Variants in PDE4A observed in about 807,000 individuals in gnomAD.
PDE4A encodes the protein 3',5'-cyclic-AMP phosphodiesterase 4A.
A neutral mutation model predicts 73.9 loss-of-function variants in PDE4A; 21 were observed. That is an observed-to-expected ratio of 0.28 (90% confidence interval 0.20 to 0.41). The LOEUF (loss-of-function observed/expected upper bound fraction) is 0.41, where lower values mean the gene tolerates loss of function less well. Ranked by LOEUF, PDE4A falls within the 10% of genes least tolerant of loss-of-function variation. The pLI, the probability that PDE4A is intolerant of heterozygous loss-of-function variation, is 1.00. For synonymous variants in PDE4A, 463 were observed against 505.4 expected, an observed-to-expected ratio of 0.92 and a Z score of 1.13; for missense variants, 958 against 1,211.4, an observed-to-expected ratio of 0.79 and a Z score of 3.10.
At chr19:10,462,497 T>G (rs1298284851) in intron 13 of PDE4A, among the ~76,000 whole-genome samples, 2 of 151,964 alleles carry the variant, frequency 1.3e-5, no homozygotes, top group Non-Finnish European at 2.9e-5. Context: ...ACTTTGTATG[T>G]TTAAAGGAGA....
intron 6 of PDE4A, among the ~76,000 whole-genome samples, chr19:10,451,634 T>G (rs2145546960): frequency 6.6e-6 from 1 of 151,472 alleles, no homozygotes; most frequent in Non-Finnish European, 1.5e-5. Flanking sequence ...CAGGGGAGAG[T>G]TGGACCAGAT....
intron 1 of PDE4A, chr19:10,431,074 G>A (rs1599407617): frequency 6.4e-7 from 1 of 1,556,386 alleles, no homozygotes. Flanking sequence ...CGCCAGGCTT[G>A]GGCTGGGGCT....
At chr19:10,436,496 A>G (rs528727473) in intron 1 of PDE4A, among the ~76,000 whole-genome samples, 1 of 152,130 alleles carries the variant, frequency 6.6e-6, no homozygotes, top group Admixed American at 6.6e-5. Flanking sequence ...CGGAGGTTGC[A>G]GTGAGCCGAG....
chr19:10,432,421 G>C, intron 1 of PDE4A: 1 of 1,410,224 alleles, frequency 7.1e-7, no homozygotes, highest in Non-Finnish European at 9.2e-7. Flanking sequence ...CCCCGACGAC[G>C]GCGCTTGGCT....
At position 10,463,979 on chromosome 19, in the gene PDE4A, C is replaced by T. The variant is rs1447088364; in HGVS notation, c.1926+4C>T. On this transcript the variant is annotated splice_donor_region_variant and intron_variant, in intron 14 of 14. Transcript: ENST00000380702. Reference sequence around the variant, plus strand: ...TGCCTCCGTGGAGAAGTCTCAGGTACAGGCTCGGGGCATTGATGGACGGGC... The same window carrying T: ...TGCCTCCGTGGAGAAGTCTCAGGTATAGGCTCGGGGCATTGATGGACGGGC... The T allele has an allele frequency of 1.2e-6, 2 of 1,613,926 alleles. No homozygotes were observed. The highest frequency in any genetic ancestry group is 1.3e-5 in the African/African-American group (1 of 74,922).
Position 10,453,099 on chromosome 19 carries a change from G to A in PDE4A, c.784-1730G>A. On this transcript the variant is annotated intron_variant, in intron 6 of 14. Transcript: ENST00000380702. The surrounding 1 kb of genome is among the most constrained non-coding windows in gnomAD (Gnocchi z 4.6). ...AACCAGGGCTGCTGCTGGGAGCGCG[G>A]AGGGGAAGGGAGCCCCCAGCCCTGC... is the stretch of plus-strand genomic sequence containing the variant. 7.4e-7 allele frequency: 1 copy of A among 1,349,120 alleles called. No individual in the cohort carries two copies. The highest frequency in any genetic ancestry group is 9.5e-7 in the Non-Finnish European group (1 of 1,052,284). 83.6% of individuals were successfully genotyped at this position (1,349,120 alleles called of 1,614,324 possible). A position where few individuals can be genotyped will look rare whatever the true frequency, so the allele number is the denominator to read the frequency against.
intron 13 of PDE4A, 99 bp from the exon 14 acceptor site, chr19:10,463,694 C>T: frequency 6.4e-7 from 1 of 1,559,822 alleles, no homozygotes; most frequent in East Asian, 2.3e-5. Flanking sequence ...AGCCACAGTG[C>T]CTGGCCCCCA....
intron 1 of PDE4A, among the ~76,000 whole-genome samples, chr19:10,438,260 G>A (rs921138411): frequency 8.6e-5 from 13 of 151,620 alleles, no homozygotes; most frequent in African/African-American, 2.4e-4. Context: ...TTACAGGCAC[G>A]CACCACCACA....
chr19:10,425,478 A>T (rs2042705897), intron 1 of PDE4A, among the ~76,000 whole-genome samples: 1 of 152,214 alleles, frequency 6.6e-6, no homozygotes, highest in South Asian at 2.1e-4. Context: ...GTACTTCCTC[A>T]AATGACATCA....
intron 6 of PDE4A, among the ~76,000 whole-genome samples, chr19:10,454,353 G>A (rs1299939347): frequency 6.6e-6 from 1 of 152,238 alleles, no homozygotes; most frequent in Non-Finnish European, 1.5e-5. Context: ...GTCCATGTCT[G>A]GGAACACTTG....
At chr19:10,440,674 C>A (rs2042925336) in intron 1 of PDE4A, among the ~76,000 whole-genome samples, 1 of 152,230 alleles carries the variant, frequency 6.6e-6, no homozygotes, top group Admixed American at 6.5e-5. Context: ...TCTCAGCTCA[C>A]TGCAACCTCC....
chr19:10,445,772 A>C (rs920528576), intron 1 of PDE4A, among the ~76,000 whole-genome samples: 2 of 126,682 alleles, frequency 1.6e-5, no homozygotes, highest in African/African-American at 8.2e-5. Context: ...CCATACCTCA[A>C]AAAAAAAAAA....
chr19:10,463,768 T>TC (rs2043316957), intron 13 of PDE4A, 25 bp from the exon 14 acceptor site: 12 of 1,611,984 alleles, frequency 7.4e-6, no homozygotes, highest in African/African-American at 1.3e-5. Flanking sequence ...CTCTGAAGTT[T>TC]CCCCTGTGCC....
chr19:10,445,444 G>A (rs1568373693), intron 1 of PDE4A, among the ~76,000 whole-genome samples: 2 of 152,084 alleles, frequency 1.3e-5, no homozygotes, highest in Non-Finnish European at 2.9e-5. Flanking sequence ...TGTGTCTCCC[G>A]TCTCTTTTAG....
intron 1 of PDE4A, 138 bp downstream of exon 1, chr19:10,421,222 G>A: frequency 7.5e-7 from 1 of 1,336,584 alleles, no homozygotes; most frequent in South Asian, 2.0e-5. Context: ...TTCGGCTGCG[G>A]GGGCGTCTGG....
At chr19:10,418,986 G>A (rs1599391828), upstream of PDE4A, 5 of 985,100 alleles carry the variant, frequency 5.1e-6, no homozygotes, top group Non-Finnish European at 4.8e-6. Context: ...GTTTTTGCTC[G>A]GCGTTCGCCC....
In PDE4A at chr19:10,421,050, G is replaced by T. The variant is rs759718061; in HGVS notation, c.286G>T (p.Gly96Cys). The part of the protein sequence containing the change: ...WPSSFHGTGT[G>C]SGGAGGGSSR... ...CTCGTCCTTCCATGGCACTGGCACC[G>T]GCAGCGGCGGCGCGGGCGGAGGCAG... Residue 96 changes from glycine to cysteine, a missense_variant, in exon 1 of 15, where the codon GGC becomes TGC. Coordinates refer to ENST00000380702, the MANE Select transcript of PDE4A (RefSeq NM_001111307.2). 2.7e-5 allele frequency: 38 copies of T among 1,389,064 alleles called. No individual in the cohort carries two copies. Among genetic ancestry groups the T allele is most frequent in the Non-Finnish European group, 3.4e-5 (37 of 1,081,482 alleles). The allele number at this position is 1,389,064 out of a possible 1,614,324, so 86.0% of individuals were successfully genotyped here.
At chr19:10,440,029 GGCTGGAGT>G (rs1437986980) in intron 1 of PDE4A, among the ~76,000 whole-genome samples, 1 of 129,250 alleles carries the variant, frequency 7.7e-6, no homozygotes, top group African/African-American at 3.0e-5. Flanking sequence ...TTGTCACCCA[GGCTGGAGT>G]GCAGTGGCGT....
In PDE4A at chr19:10,453,205, C is replaced by T. The variant is rs1013437737; in HGVS notation, c.784-1624C>T. Reference sequence around the variant, plus strand: ...CCCCCTCCCCAGTGGTTGTTAACCCCGGGACTCCCCAAGCCCAGCCTCTGT... The same window carrying T: ...CCCCCTCCCCAGTGGTTGTTAACCCTGGGACTCCCCAAGCCCAGCCTCTGT... On this transcript the variant is annotated intron_variant, in intron 6 of 14. Coordinates refer to ENST00000380702, the MANE Select transcript of PDE4A (RefSeq NM_001111307.2). The surrounding 1 kb of genome is among the most constrained non-coding windows in gnomAD (Gnocchi z 4.6). The T allele has an allele frequency of 5.2e-6, 8 of 1,552,702 alleles. No homozygotes were observed. The highest frequency in any genetic ancestry group is 3.8e-5 in the Admixed American group (2 of 52,124).
Sources: allele counts gnomAD v4.1 joint callset (sites outside exome capture counted in the v4.1 genomes callset), GRCh38; gene constraint gnomAD v4.1.1; non-coding constraint Gnocchi (gnomAD v3.1); transcripts MANE v1.5; gene names NCBI Gene and HGNC (gene_info 2026-07-23, HGNC 2026-07-21).